The following SHISA9 variants were observed in gnomAD, a reference collection of about 807,000 sequenced individuals.
SHISA9 encodes protein shisa-9.
SHISA9 carries 13 observed loss-of-function variants against 38.0 expected under a neutral mutation model. That is an observed-to-expected ratio of 0.34 (90% confidence interval 0.22 to 0.54). SHISA9 has a LOEUF of 0.54. SHISA9 is among the 20% of genes least tolerant of loss of function. The pLI is 0.91. For synonymous variants in SHISA9, 275 were observed against 242.0 expected, an observed-to-expected ratio of 1.14 and a Z score of -1.27; for missense variants, 538 against 575.8, an observed-to-expected ratio of 0.93 and a Z score of 0.67.
downstream of SHISA9, among the ~76,000 whole-genome samples, chr16:13,241,285 C>A (rs553465919): frequency 6.6e-6 from 1 of 152,118 alleles, no homozygotes; most frequent in East Asian, 1.9e-4. Flanking sequence ...GAGGCCAAGG[C>A]GGGCAGATCA....
intron 2 of SHISA9, among the ~76,000 whole-genome samples, chr16:13,104,178 C>T (rs2073905097): frequency 6.6e-6 from 1 of 152,118 alleles, no homozygotes; most frequent in Non-Finnish European, 1.5e-5. Context: ...TTTCCATATT[C>T]TCAGTCATGT....
At chr16:13,472,863 T>A in the SHISA9 span, among the ~76,000 whole-genome samples, 4 of 152,250 alleles carry the variant, frequency 2.6e-5, no homozygotes, top group Non-Finnish European at 4.4e-5. Context: ...CATGTCTTTT[T>A]ACTATTTCCC....
chr16:13,450,545 A>G, the SHISA9 span, among the ~76,000 whole-genome samples: 1 of 152,068 alleles, frequency 6.6e-6, no homozygotes, highest in South Asian at 2.1e-4. Context: ...CTGCTATTTC[A>G]TGGCAAATAA....
the SHISA9 span, among the ~76,000 whole-genome samples, chr16:13,462,603 G>A: frequency 6.6e-6 from 1 of 152,084 alleles, no homozygotes; most frequent in South Asian, 2.1e-4. Context: ...GCAGGCAGAT[G>A]GCTTTGAGGT....
the SHISA9 span, among the ~76,000 whole-genome samples, chr16:13,274,811 C>T: frequency 1.3e-5 from 2 of 152,152 alleles, no homozygotes. Context: ...TGAAATCTAA[C>T]GTGTTTCGGG....
chr16:12,946,550 C>A (rs2141768129), intron 2 of SHISA9, among the ~76,000 whole-genome samples: 1 of 152,292 alleles, frequency 6.6e-6, no homozygotes, highest in East Asian at 1.9e-4. Context: ...TGGAGACAAG[C>A]TGCAGCTTGA....
At chr16:13,504,452 G>A in the SHISA9 span, among the ~76,000 whole-genome samples, 2 of 152,112 alleles carry the variant, frequency 1.3e-5, no homozygotes, top group Non-Finnish European at 1.5e-5. Flanking sequence ...AACACTGCTC[G>A]AAGCCAAAGC....
chr16:13,130,485 C>G (rs1336823839), intron 2 of SHISA9, among the ~76,000 whole-genome samples: 1 of 152,100 alleles, frequency 6.6e-6, no homozygotes, highest in Non-Finnish European at 1.5e-5. Flanking sequence ...AATATTGATA[C>G]CACATCCTTA....
the SHISA9 span, among the ~76,000 whole-genome samples, chr16:13,481,845 A>C: frequency 2.6e-5 from 4 of 152,246 alleles, no homozygotes; most frequent in African/African-American, 9.6e-5. Context: ...TTGAATTTCA[A>C]AATTGAAGTG....
chr16:13,176,262 T>C (rs1359971343), intron 2 of SHISA9, among the ~76,000 whole-genome samples: 1 of 152,180 alleles, frequency 6.6e-6, no homozygotes, highest in Admixed American at 6.5e-5. Flanking sequence ...AGGTATGGCC[T>C]TTGATCATTA....
intron 2 of SHISA9, among the ~76,000 whole-genome samples, chr16:13,198,986 C>T (rs539590542): frequency 6.6e-6 from 1 of 152,140 alleles, no homozygotes; most frequent in Non-Finnish European, 1.5e-5. Context: ...AATCTAAAAG[C>T]AAATACTTTA....
At chr16:13,329,915 G>C in the SHISA9 span, among the ~76,000 whole-genome samples, 1 of 152,210 alleles carries the variant, frequency 6.6e-6, no homozygotes, top group Non-Finnish European at 1.5e-5. Context: ...CAGTTCCTCA[G>C]ATATCCAATA....
intron 2 of SHISA9, among the ~76,000 whole-genome samples, chr16:13,031,031 A>G (rs1305551058): frequency 6.6e-6 from 1 of 152,156 alleles, no homozygotes; most frequent in Admixed American, 6.5e-5. Flanking sequence ...CTGAGCCCAT[A>G]TCTTCCAGCC....
chr16:13,013,410 C>T (rs1241948654), intron 2 of SHISA9, among the ~76,000 whole-genome samples: 2 of 152,080 alleles, frequency 1.3e-5, no homozygotes, highest in South Asian at 2.1e-4. Context: ...GGAAACTGAA[C>T]TTTCATCTGC....
chr16:13,014,392 C>G (rs1483656471), intron 2 of SHISA9, among the ~76,000 whole-genome samples: 2 of 152,104 alleles, frequency 1.3e-5, no homozygotes, highest in East Asian at 3.9e-4. Context: ...TTTTCTGAGC[C>G]CACTTGTTAA....
At chr16:13,457,381 C>T in the SHISA9 span, among the ~76,000 whole-genome samples, 7 of 152,060 alleles carry the variant, frequency 4.6e-5, no homozygotes, top group African/African-American at 1.7e-4. Flanking sequence ...TGCTTTTGCT[C>T]CCCTCTCTTG....
At chr16:13,414,571 G>A in the SHISA9 span, among the ~76,000 whole-genome samples, 25 of 151,978 alleles carry the variant, frequency 1.6e-4, no homozygotes, top group African/African-American at 2.9e-4. Flanking sequence ...GCTAGGAAGC[G>A]GACATGTAGG....
At position 13,239,904 on chromosome 16, in the gene SHISA9, A is replaced by G. The variant is rs909157438; in HGVS notation, c.*4495A>G. ...TAGACAGACCTCACAATATGGAAAG[A>G]CGGGACAACCTATGGAACTATCTGT... On this transcript the variant is annotated 3_prime_UTR_variant, in exon 5 of 5. Transcript: ENST00000558583. The G allele has an allele frequency of 6.6e-6, 1 of 152,200 alleles. No individual in the cohort carries two copies. The highest frequency in any genetic ancestry group is 1.5e-5 in the Non-Finnish European group (1 of 68,056). 9.4% of individuals were successfully genotyped at this position (152,200 alleles called of 1,614,324 possible).
chr16:13,434,094 C>T, the SHISA9 span, among the ~76,000 whole-genome samples: 1 of 152,132 alleles, frequency 6.6e-6, no homozygotes, highest in African/African-American at 2.4e-5. Context: ...GGTCTAAGAT[C>T]CAAGAGTCCC....
Sources: allele counts gnomAD v4.1 joint callset (sites outside exome capture counted in the v4.1 genomes callset), GRCh38; gene constraint gnomAD v4.1.1; transcripts MANE v1.5; gene names NCBI Gene and HGNC (gene_info 2026-07-23, HGNC 2026-07-21).